PPARGC1A: variants seen among roughly 807,000 people sequenced by gnomAD.
PPARGC1A encodes PPARG coactivator 1 alpha, also known as peroxisome proliferator-activated receptor gamma coactivator 1-alpha.
A neutral mutation model predicts 88.7 loss-of-function variants in PPARGC1A; 25 were observed. That is an observed-to-expected ratio of 0.28 (90% CI 0.21 to 0.39). PPARGC1A has a LOEUF of 0.39. PPARGC1A is among the 10% of genes least tolerant of loss of function. The pLI is 1.00. For missense variants in PPARGC1A, 880 were observed against 968.7 expected (o/e 0.91, Z 1.22); for synonymous variants, 363 against 355.6 (o/e 1.02, Z -0.24).
chr4:23,813,199 A>G, intron 8 of PPARGC1A, 74 bp from the exon 9 acceptor site: 2 of 1,222,240 alleles, frequency 1.6e-6, no homozygotes, highest in Admixed American at 1.7e-5. Context: ...ACTGTGGAGC[A>G]TCCTCTGGGA....
the PPARGC1A span, among the ~76,000 whole-genome samples, chr4:24,420,946 T>C: frequency 6.6e-6 from 1 of 152,166 alleles, no homozygotes; most frequent in Non-Finnish European, 1.5e-5. Context: ...CTACATGTCC[T>C]CATATGGCAG....
At chr4:24,029,117 C>T in the PPARGC1A span, among the ~76,000 whole-genome samples, 1 of 151,998 alleles carries the variant, frequency 6.6e-6, no homozygotes, top group African/African-American at 2.4e-5. Context: ...ACAAAGAGAA[C>T]CAAAAATTCA....
At chr4:24,289,562 T>C in the PPARGC1A span, among the ~76,000 whole-genome samples, 1 of 152,242 alleles carries the variant, frequency 6.6e-6, no homozygotes, top group Admixed American at 6.5e-5. Flanking sequence ...TGTTATTTTA[T>C]TTCACTTCTT....
the PPARGC1A span, among the ~76,000 whole-genome samples, chr4:24,455,466 C>A: frequency 1.3e-5 from 2 of 152,124 alleles, no homozygotes; most frequent in Non-Finnish European, 2.9e-5. Flanking sequence ...GACAACATAG[C>A]AAAAGCAAGT....
chr4:24,145,780 G>A, the PPARGC1A span, among the ~76,000 whole-genome samples: 1 of 152,110 alleles, frequency 6.6e-6, no homozygotes, highest in Non-Finnish European at 1.5e-5. Context: ...TAATAGTGTG[G>A]GCCTTGTTTA....
At chr4:24,460,569 C>A in the PPARGC1A span, among the ~76,000 whole-genome samples, 2 of 131,338 alleles carry the variant, frequency 1.5e-5, no homozygotes, top group Non-Finnish European at 3.1e-5. Flanking sequence ...GAAACTGTTA[C>A]TATCAGGGTC....
chr4:23,864,303 C>G (rs559703010), intron 2 of PPARGC1A, among the ~76,000 whole-genome samples: 9 of 152,152 alleles, frequency 5.9e-5, no homozygotes, highest in Admixed American at 3.3e-4. Flanking sequence ...TTGTGTCACC[C>G]GGGTAAGTCT....
chr4:24,127,852 AAGGAAAATGC>A, the PPARGC1A span, among the ~76,000 whole-genome samples: 1 of 152,192 alleles, frequency 6.6e-6, no homozygotes, highest in Non-Finnish European at 1.5e-5. Context: ...AAAAAATAGT[AAGGAAAATGC>A]ATCAAAATCC....
chr4:24,325,087 C>T, the PPARGC1A span, among the ~76,000 whole-genome samples: 1 of 152,224 alleles, frequency 6.6e-6, no homozygotes, highest in East Asian at 1.9e-4. Flanking sequence ...GTTAATGCTC[C>T]TTTTCCTTTA....
At chr4:23,857,145 G>T (rs891313555) in intron 2 of PPARGC1A, among the ~76,000 whole-genome samples, 11 of 151,756 alleles carry the variant, frequency 7.2e-5, no homozygotes, top group African/African-American at 2.7e-4. Context: ...AATGTAACAG[G>T]TCTCTCCATA....
the PPARGC1A span, among the ~76,000 whole-genome samples, chr4:24,406,472 G>C: frequency 6.6e-6 from 1 of 152,180 alleles, no homozygotes; most frequent in African/African-American, 2.4e-5. Flanking sequence ...GCATATCTCT[G>C]TCTGTGTAAA....
At chr4:24,000,005 A>G in the PPARGC1A span, among the ~76,000 whole-genome samples, 1 of 152,178 alleles carries the variant, frequency 6.6e-6, no homozygotes, top group African/African-American at 2.4e-5. Context: ...GGTGAGGCAC[A>G]GTGACTCAGA....
At chr4:23,848,563 G>A (rs1391712784) in intron 2 of PPARGC1A, among the ~76,000 whole-genome samples, 1 of 152,110 alleles carries the variant, frequency 6.6e-6, no homozygotes, top group African/African-American at 2.4e-5. Flanking sequence ...ATCTGCACAC[G>A]ATATGAAAAC....
At chr4:24,061,682 G>C in the PPARGC1A span, among the ~76,000 whole-genome samples, 1 of 152,194 alleles carries the variant, frequency 6.6e-6, no homozygotes, top group Non-Finnish European at 1.5e-5. Flanking sequence ...GTGTCTCCAG[G>C]CTCTTAGGTA....
the PPARGC1A span, among the ~76,000 whole-genome samples, chr4:24,079,147 C>G: frequency 6.6e-6 from 1 of 151,944 alleles, no homozygotes; most frequent in Admixed American, 6.6e-5. Flanking sequence ...TCCTTAAGAA[C>G]TATTTCTAGA....
chr4:23,874,081 A>C (rs912042439), intron 2 of PPARGC1A, among the ~76,000 whole-genome samples: 1 of 152,206 alleles, frequency 6.6e-6, no homozygotes, highest in Non-Finnish European at 1.5e-5. Context: ...TCTGGGGGAA[A>C]AAATGTTAGT....
At chr4:24,304,419 G>T in the PPARGC1A span, among the ~76,000 whole-genome samples, 1 of 152,176 alleles carries the variant, frequency 6.6e-6, no homozygotes, top group Admixed American at 6.5e-5. Context: ...CACTTTGCAT[G>T]GTTGTTTAAT....
the PPARGC1A span, among the ~76,000 whole-genome samples, chr4:24,430,898 G>A: frequency 1.3e-5 from 2 of 152,046 alleles, no homozygotes; most frequent in South Asian, 2.1e-4. Context: ...CAGGCGGATC[G>A]CCTGAGGTCA....
intron 10 of PPARGC1A, among the ~76,000 whole-genome samples, chr4:23,804,910 C>T (rs1000750557): frequency 2.6e-5 from 4 of 152,086 alleles, no homozygotes; most frequent in African/African-American, 4.8e-5. Context: ...CTATTAGTTG[C>T]TCTTATGGAA....
Sources: allele counts gnomAD v4.1 joint callset (sites outside exome capture counted in the v4.1 genomes callset), GRCh38; gene constraint gnomAD v4.1.1; transcripts MANE v1.5; gene names NCBI Gene and HGNC (gene_info 2026-07-23, HGNC 2026-07-21).